PEX14: variants seen among roughly 807,000 people sequenced by gnomAD.
PEX14 encodes peroxisomal biogenesis factor 14, also known as peroxisomal membrane protein PEX14.
PEX14 carries 15 observed loss-of-function variants against 49.5 expected under a neutral mutation model. That is an observed-to-expected ratio of 0.30 (90% CI 0.20 to 0.47). The LOEUF (loss-of-function observed/expected upper bound fraction) is 0.47. PEX14 is among the 20% of genes least tolerant of loss of function. The pLI is 1.00. For synonymous variants in PEX14, 210 were observed against 212.7 expected (o/e 0.99, Z 0.11); for missense variants, 398 against 494.8 (o/e 0.80, Z 1.86).
At chr1:10,484,460 A>G (rs1345542386) in intron 1 of PEX14, among the ~76,000 whole-genome samples, 2 of 151,794 alleles carry the variant, frequency 1.3e-5, no homozygotes. Context: ...GGCGTGAGCC[A>G]CTGCGCCTGA....
chr1:10,574,031 G>T (rs1640054465), intron 3 of PEX14, among the ~76,000 whole-genome samples: 1 of 152,236 alleles, frequency 6.6e-6, no homozygotes, highest in Non-Finnish European at 1.5e-5. Context: ...GAACCTGGGA[G>T]GTGGAGGTTG....
At chr1:10,616,095 C>CAGGG (rs1241473295) in intron 4 of PEX14, among the ~76,000 whole-genome samples, 3 of 152,128 alleles carry the variant, frequency 2.0e-5, no homozygotes, top group Admixed American at 2.0e-4. Context: ...AATCCGCAGG[C>CAGGG]AGGGAGGGAG....
intron 3 of PEX14, among the ~76,000 whole-genome samples, chr1:10,562,629 G>A (rs967752057): frequency 6.6e-6 from 1 of 152,188 alleles, no homozygotes; most frequent in African/African-American, 2.4e-5. Flanking sequence ...CATCATAAAA[G>A]GACATTGATT....
intron 3 of PEX14, among the ~76,000 whole-genome samples, chr1:10,536,967 A>G (rs17035189): frequency 0.41 from 62,328 of 152,068 alleles, 13,872 homozygotes; most frequent in Non-Finnish European, 0.5. Flanking sequence ...AAATCTAGGA[A>G]GTCATTTACA....
At chr1:10,544,543 T>C (rs1366345840) in intron 3 of PEX14, among the ~76,000 whole-genome samples, 1 of 152,126 alleles carries the variant, frequency 6.6e-6, no homozygotes, top group Admixed American at 6.6e-5. Flanking sequence ...GTAATTGACA[T>C]ACAGTAAACT....
At chr1:10,477,202 C>T (rs1159499731) in intron 1 of PEX14, among the ~76,000 whole-genome samples, 1 of 152,068 alleles carries the variant, frequency 6.6e-6, no homozygotes, top group Non-Finnish European at 1.5e-5. Flanking sequence ...TCCCTAGTAG[C>T]TGGGACTACA....
intron 1 of PEX14, among the ~76,000 whole-genome samples, chr1:10,475,754 T>A (rs1361943001): frequency 6.6e-6 from 1 of 152,064 alleles, no homozygotes; most frequent in East Asian, 1.9e-4. Flanking sequence ...TCCGAAGGGG[T>A]TTATAGTCCA....
rs114967497 is a variant in PEX14, at chr1:10,547,477, G to A, written c.169+11180G>A. On this transcript the variant is annotated intron_variant, in intron 3 of 8. Transcript: ENST00000356607. ...GTGCGTTAGTCCCCGCCTTAACCAC[G>A]GAGGAGACGTTCCAAGACCTCCAGT... Among the ~76,000 whole-genome samples, 840 of 152,264 alleles carry A rather than the reference G, an allele frequency of 5.5e-3. 7 individuals are homozygous for A. Among genetic ancestry groups the A allele is most frequent in the African/African-American group, 0.019 (793 of 41,534 alleles).
chr1:10,497,257 G>A (rs1011950501), intron 2 of PEX14, among the ~76,000 whole-genome samples: 5 of 152,170 alleles, frequency 3.3e-5, no homozygotes, highest in African/African-American at 9.7e-5. Context: ...AGGGTGTCAG[G>A]CAGAGGAGCC....
intron 3 of PEX14, among the ~76,000 whole-genome samples, chr1:10,583,432 G>A (rs933999109): frequency 4.0e-5 from 6 of 148,488 alleles, no homozygotes; most frequent in African/African-American, 1.5e-4. Flanking sequence ...ATGTTGTCCA[G>A]GCTGGTCTTG....
At chr1:10,560,014 G>A (rs1639606256) in intron 3 of PEX14, among the ~76,000 whole-genome samples, 1 of 151,878 alleles carries the variant, frequency 6.6e-6, no homozygotes, top group South Asian at 2.1e-4. Context: ...ATCAAGTCCT[G>A]TTGTCTGCTT....
At chr1:10,520,565 C>T (rs1638253259) in intron 2 of PEX14, among the ~76,000 whole-genome samples, 1 of 152,150 alleles carries the variant, frequency 6.6e-6, no homozygotes, top group Admixed American at 6.5e-5. Flanking sequence ...TACACGTAGG[C>T]TCAGGTCCTT....
chr1:10,563,883 G>GCCTGGCGA, intron 3 of PEX14, among the ~76,000 whole-genome samples: 1 of 151,656 alleles, frequency 6.6e-6, no homozygotes, highest in South Asian at 2.1e-4. Flanking sequence ...CTGCACTACA[G>GCCTGGCGA]CCTGGCGACA....
At chr1:10,477,595 T>G (rs189748995) in intron 1 of PEX14, among the ~76,000 whole-genome samples, 1 of 152,336 alleles carries the variant, frequency 6.6e-6, no homozygotes, top group African/African-American at 2.4e-5. Context: ...TGAGCCAGTA[T>G]TCTGTCTTTC....
chr1:10,536,712 G>C (rs772525601), intron 3 of PEX14: 66 of 232,100 alleles, frequency 2.8e-4, no homozygotes, highest in Non-Finnish European at 5.1e-4. Flanking sequence ...AGGGAAACGA[G>C]ATGACTAACA....
chr1:10,611,268 C>T (rs1053411870), intron 4 of PEX14, among the ~76,000 whole-genome samples: 4 of 151,234 alleles, frequency 2.6e-5, no homozygotes, highest in East Asian at 1.9e-4. Flanking sequence ...GTCCCCCCAC[C>T]GAAATAAAAA....
chr1:10,478,688 T>G (rs1641234688), intron 1 of PEX14, among the ~76,000 whole-genome samples: 1 of 151,910 alleles, frequency 6.6e-6, no homozygotes, highest in Admixed American at 6.6e-5. Context: ...AGGCAATCCT[T>G]TCGTCTCAGC....
chr1:10,620,355 G>A (rs550392077), intron 5 of PEX14, among the ~76,000 whole-genome samples: 56 of 151,400 alleles, frequency 3.7e-4, no homozygotes, highest in African/African-American at 1.3e-3. Context: ...GGTGGTGTGA[G>A]CCTGTAGTCC....
At chr1:10,476,757 C>T (rs1222169890) in intron 1 of PEX14, among the ~76,000 whole-genome samples, 3 of 152,094 alleles carry the variant, frequency 2.0e-5, no homozygotes, top group African/African-American at 7.2e-5. Flanking sequence ...TCCCAAAGTG[C>T]TGAGATTATA....
Sources: allele counts gnomAD v4.1 joint callset (sites outside exome capture counted in the v4.1 genomes callset), GRCh38; gene constraint gnomAD v4.1.1; transcripts MANE v1.5; gene names NCBI Gene and HGNC (gene_info 2026-07-23, HGNC 2026-07-21).